Variants in ATP9A observed in about 807,000 individuals in gnomAD.
ATP9A encodes probable phospholipid-transporting ATPase IIA.
ATP9A carries 52 observed loss-of-function variants against 144.1 expected under a neutral mutation model. The observed-to-expected ratio is 0.36, with a 90% CI of 0.29 to 0.45. The LOEUF (loss-of-function observed/expected upper bound fraction) is 0.45, where lower values mean the gene tolerates loss of function less well. Ranked by LOEUF, ATP9A falls within the 20% of genes least tolerant of loss-of-function variation. ATP9A has a pLI of 1.00. For missense variants in ATP9A, 947 were observed against 1,392.7 expected, an observed-to-expected ratio of 0.68 and a Z score of 5.09; for synonymous variants, 582 against 557.4, an observed-to-expected ratio of 1.04 and a Z score of -0.62.
At chr20:51,642,726 C>A (rs6021340) in intron 14 of ATP9A, among the ~76,000 whole-genome samples, 14,674 of 30,980 alleles carry the variant, frequency 0.47, 4,401 homozygotes, top group Middle Eastern at 0.66. Context: ...ACTCTGTCTC[C>A]AAAAAAAAAA....
intron 1 of ATP9A, among the ~76,000 whole-genome samples, chr20:51,749,323 T>C (rs1002231907): frequency 2.0e-5 from 3 of 152,016 alleles, no homozygotes; most frequent in Non-Finnish European, 4.4e-5. Flanking sequence ...AGTGCAGTGG[T>C]GCGATCTCGG....
At chr20:51,630,642 A>T (rs541257985) in intron 15 of ATP9A, among the ~76,000 whole-genome samples, 1 of 152,186 alleles carries the variant, frequency 6.6e-6, no homozygotes, top group African/African-American at 2.4e-5. Context: ...CGGAGGTTGC[A>T]ATGAGCTGAG....
intron 5 of ATP9A, 73 bp from the exon 6 acceptor site, chr20:51,696,217 GC>G (rs987717809): frequency 2.1e-6 from 3 of 1,421,656 alleles, no homozygotes; most frequent in Admixed American, 1.8e-5. Context: ...GGGGGCTTCC[GC>G]CCCCACCCCC....
rs566523499 is a variant in ATP9A, at chr20:51,731,388, G to GT, written c.69-1411dup. On this transcript the variant is annotated intron_variant, in intron 1 of 27. Coordinates refer to ENST00000338821, the MANE Select transcript of ATP9A (RefSeq NM_006045.3). Reference sequence around the variant, plus strand: ...GATTTAAGAAAATAAATATATCACAGTAAGTACTATTATTACATCTATGCT... The same window carrying GT: ...GATTTAAGAAAATAAATATATCACAGTTAAGTACTATTATTACATCTATGCT... 2.0e-5 allele frequency among the ~76,000 whole-genome samples: 3 copies of GT among 152,026 alleles called. No homozygotes were observed. The East Asian group carries it at 5.8e-4, about 30-fold the overall frequency.
chr20:51,736,116 A>G (rs1306022324), intron 1 of ATP9A, among the ~76,000 whole-genome samples: 1 of 152,258 alleles, frequency 6.6e-6, no homozygotes. Flanking sequence ...AAGGAAGTGC[A>G]ATCCAGGCAG....
intron 4 of ATP9A, among the ~76,000 whole-genome samples, chr20:51,709,648 G>A (rs558004850): frequency 1.3e-4 from 20 of 152,250 alleles, no homozygotes; most frequent in Non-Finnish European, 2.2e-4. Flanking sequence ...GATTGCTTGA[G>A]CCTGGAAGGC....
intron 15 of ATP9A, among the ~76,000 whole-genome samples, chr20:51,637,850 G>A (rs73267760): frequency 2.7e-5 from 4 of 150,888 alleles, no homozygotes; most frequent in East Asian, 2.0e-4. Flanking sequence ...ATCCCTCACC[G>A]TCCTCCCACC....
chr20:51,656,319 A>G (rs2077386634), intron 14 of ATP9A, among the ~76,000 whole-genome samples: 1 of 152,234 alleles, frequency 6.6e-6, no homozygotes, highest in Non-Finnish European at 1.5e-5. Flanking sequence ...TGGGAGGCCA[A>G]GGCCAGTGGA....
Position 51,622,201 on chromosome 20 carries a change from T to A in ATP9A, c.2017-29A>T, listed in dbSNP as rs759165130. 3.1e-6 allele frequency: 5 copies of A among 1,592,640 alleles called. No individual in the cohort carries two copies. In the South Asian group the frequency reaches 5.5e-5, roughly 18 times the overall value. ...AAATCATGGCGTGACAGAGGTCCTG[T>A]TTATTAGTTTTTGAGGCCGGCCTGT... On this transcript the variant is annotated intron_variant, in intron 18 of 27. Coordinates refer to ENST00000338821, the MANE Select transcript of ATP9A (RefSeq NM_006045.3).
chr20:51,733,113 C>T (rs1221783813), intron 1 of ATP9A, among the ~76,000 whole-genome samples: 2 of 151,968 alleles, frequency 1.3e-5, no homozygotes, highest in Non-Finnish European at 2.9e-5. Context: ...TCAAGCTATC[C>T]GGTTACAGTT....
chr20:51,622,650 G>C (rs2077231610), intron 18 of ATP9A, among the ~76,000 whole-genome samples: 1 of 152,170 alleles, frequency 6.6e-6, no homozygotes, highest in Non-Finnish European at 1.5e-5. Flanking sequence ...GACCGTAAAT[G>C]AGTCAGGTTC....
rs146183205 is a variant in ATP9A, at chr20:51,726,388, A to C, written c.214-456T>G. Among the ~76,000 whole-genome samples, 41 of 152,184 alleles carry C rather than the reference A, an allele frequency of 2.7e-4. No homozygotes were observed. In the East Asian group the frequency reaches 6.6e-3, roughly 24 times the overall value. ...CACTATACTTTTCACATAGAGCTTA[A>C]ACACTTCCATATGTTGTTTAGAAAA... On this transcript the variant is annotated intron_variant, in intron 2 of 27. Transcript: ENST00000338821.
intron 23 of ATP9A, among the ~76,000 whole-genome samples, chr20:51,610,872 T>C (rs2077182503): frequency 6.6e-6 from 1 of 152,202 alleles, no homozygotes; most frequent in African/African-American, 2.4e-5. Context: ...CAGATTATTT[T>C]TGCAATTAGA....
chr20:51,602,044 C>T lies in ATP9A; in HGVS notation c.3008-697G>A, dbSNP rs563814643. 2.0e-5 allele frequency among the ~76,000 whole-genome samples: 3 copies of T among 152,268 alleles called. No homozygotes were observed. The East Asian group carries it at 5.8e-4, about 29-fold the overall frequency. On this transcript the variant is annotated intron_variant, in intron 27 of 27. Transcript: ENST00000338821. ...GCGAGCAGAAAATGACATTCAAATG[C>T]ACCCTCTGCTTCCAGTGATGGTCGC...
chr20:51,696,186 C>T (rs968589952), intron 5 of ATP9A, 42 bp from the exon 6 acceptor site: 6 of 1,601,310 alleles, frequency 3.7e-6, no homozygotes, highest in Admixed American at 3.3e-5. Context: ...AATGAATGAC[C>T]GTGTGCTGTG....
At chr20:51,670,572 C>G (rs529006882) in intron 12 of ATP9A, among the ~76,000 whole-genome samples, 1 of 152,200 alleles carries the variant, frequency 6.6e-6, no homozygotes, top group Admixed American at 6.5e-5. Flanking sequence ...TCATTTTTCT[C>G]TGATTTGGTG....
intron 9 of ATP9A, among the ~76,000 whole-genome samples, chr20:51,688,161 G>GGTTA (rs778258122): frequency 5.5e-4 from 84 of 152,278 alleles, no homozygotes; most frequent in Admixed American, 4.1e-3. Context: ...CCGTTAGGAG[G>GGTTA]GTTAAGTGCA....
intron 1 of ATP9A, 53 bp downstream of exon 1, chr20:51,768,249 G>A (rs2077914375): frequency 1.7e-6 from 2 of 1,162,562 alleles, no homozygotes; most frequent in Non-Finnish European, 1.1e-6. Context: ...TGGCCCGAGC[G>A]CCGGGCTCCG....
chr20:51,669,461 T>C (rs1273127473), intron 13 of ATP9A, among the ~76,000 whole-genome samples: 2 of 152,316 alleles, frequency 1.3e-5, no homozygotes, highest in East Asian at 3.9e-4. Flanking sequence ...TTGAGTTGAA[T>C]GTAGATGAGA....
Sources: gnomAD v4.1 joint callset for allele counts (sites outside exome capture counted in the v4.1 genomes callset) on GRCh38, gnomAD v4.1.1 for gene constraint, MANE v1.5 for transcripts, NCBI Gene and HGNC (gene_info 2026-07-23, HGNC 2026-07-21) for gene names.